The following RBPMS variants were observed in gnomAD, a reference collection of about 807,000 sequenced individuals.
RBPMS encodes the protein RNA-binding protein with multiple splicing.
A neutral mutation model predicts 26.8 loss-of-function variants in RBPMS; 7 were observed. That is an observed-to-expected ratio of 0.26 (90% CI 0.15 to 0.49). The LOEUF is 0.49. RBPMS is among the 20% of genes least tolerant of loss of function. The pLI is 0.98. For synonymous variants in RBPMS, 96 were observed against 93.3 expected (o/e 1.03, Z -0.17); for missense variants, 186 against 250.0 (o/e 0.74, Z 1.73).
chr8:30,447,796 TTTA>T (rs1348317402), intron 1 of RBPMS, among the ~76,000 whole-genome samples: 1 of 152,158 alleles, frequency 6.6e-6, no homozygotes, highest in Non-Finnish European at 1.5e-5. Context: ...AATCTTAGAC[TTTA>T]TATCAGTAAT....
At chr8:30,554,520 T>C (rs1186047067) in intron 6 of RBPMS, among the ~76,000 whole-genome samples, 1 of 152,240 alleles carries the variant, frequency 6.6e-6, no homozygotes, top group African/African-American at 2.4e-5. Flanking sequence ...TTCTCTCTAA[T>C]GTCCTTGACA....
chr8:30,485,697 C>T (rs1312224026), intron 4 of RBPMS, among the ~76,000 whole-genome samples: 1 of 152,160 alleles, frequency 6.6e-6, no homozygotes. Flanking sequence ...GTGAACTCCC[C>T]CCAAAGAAAA....
chr8:30,555,968 G>A, intron 6 of RBPMS: 1 of 985,460 alleles, frequency 1.0e-6, no homozygotes, highest in Non-Finnish European at 1.2e-6. Context: ...CGCTCTGCCG[G>A]CTGTGGTGCG....
chr8:30,478,661 A>G (rs982065171), intron 3 of RBPMS, among the ~76,000 whole-genome samples: 1 of 152,072 alleles, frequency 6.6e-6, no homozygotes, highest in Non-Finnish European at 1.5e-5. Flanking sequence ...CACCACGCCC[A>G]GCTAGTTTTT....
intron 1 of RBPMS, among the ~76,000 whole-genome samples, chr8:30,463,989 T>C (rs1025272939): frequency 1.3e-5 from 2 of 152,092 alleles, no homozygotes; most frequent in Non-Finnish European, 2.9e-5. Context: ...TTTCTACAAA[T>C]ACAGAAAACA....
At chr8:30,422,579 T>G (rs946450127) in intron 1 of RBPMS, among the ~76,000 whole-genome samples, 9 of 152,152 alleles carry the variant, frequency 5.9e-5, no homozygotes, top group Non-Finnish European at 1.3e-4. Flanking sequence ...CTGCTGTTAT[T>G]TTATATAGAA....
At chr8:30,415,788 C>G (rs1378970027) in intron 1 of RBPMS, among the ~76,000 whole-genome samples, 1 of 152,148 alleles carries the variant, frequency 6.6e-6, no homozygotes. Context: ...AGCTTTTCCT[C>G]TGGTCTTTGA....
intron 1 of RBPMS, among the ~76,000 whole-genome samples, chr8:30,416,976 G>T (rs1810159322): frequency 6.6e-6 from 1 of 152,058 alleles, no homozygotes; most frequent in African/African-American, 2.4e-5. Context: ...TGCCATGTTG[G>T]CTAGGTGGGT....
chr8:30,556,113 C>G (rs1826883994), intron 6 of RBPMS: 1 of 985,280 alleles, frequency 1.0e-6, no homozygotes, highest in African/African-American at 1.7e-5. Flanking sequence ...GAGCCCCCCA[C>G]TTGGCAAGCA....
At chr8:30,434,184 T>C (rs1354058269) in intron 1 of RBPMS, among the ~76,000 whole-genome samples, 1 of 152,062 alleles carries the variant, frequency 6.6e-6, no homozygotes, top group Non-Finnish European at 1.5e-5. Flanking sequence ...TTTATCCTTC[T>C]AAGGTATAAA....
At chr8:30,521,778 G>A (rs1823060335) in intron 5 of RBPMS, among the ~76,000 whole-genome samples, 1 of 151,978 alleles carries the variant, frequency 6.6e-6, no homozygotes, top group African/African-American at 2.4e-5. Context: ...CATTTAGATT[G>A]CTTCCATGTC....
chr8:30,418,613 C>T (rs1369060472), intron 1 of RBPMS, among the ~76,000 whole-genome samples: 1 of 152,102 alleles, frequency 6.6e-6, no homozygotes, highest in Non-Finnish European at 1.5e-5. Context: ...GGGTCTCACT[C>T]TGTCACCCAG....
Position 30,430,388 on chromosome 8 carries a change from G to A in RBPMS, c.67-44391G>A, listed in dbSNP as rs767365048. Among the ~76,000 whole-genome samples the A allele has an allele frequency of 3.9e-5, 6 of 152,284 alleles. No individual in the cohort carries two copies. In the Middle Eastern group the frequency reaches 0.01, roughly 259 times the overall value. Reference sequence around the variant, plus strand: ...TTCTATTCTGTAACATGGAACCAAGGTATTTGCAAGCTGACAGCGAAGAAG... The same window carrying A: ...TTCTATTCTGTAACATGGAACCAAGATATTTGCAAGCTGACAGCGAAGAAG... On this transcript the variant is annotated intron_variant, in intron 1 of 8. Transcript: ENST00000397323.
intron 5 of RBPMS, among the ~76,000 whole-genome samples, chr8:30,523,847 C>A (rs1470087832): frequency 1.3e-5 from 2 of 151,944 alleles, no homozygotes; most frequent in Non-Finnish European, 2.9e-5. Flanking sequence ...TCCAGTGTTA[C>A]CATTTTTAAT....
intron 1 of RBPMS, among the ~76,000 whole-genome samples, chr8:30,438,470 A>G (rs1238677888): frequency 1.3e-5 from 2 of 152,216 alleles, no homozygotes; most frequent in African/African-American, 4.8e-5. Flanking sequence ...TGATTGAGGA[A>G]ACATTTGCTC....
chr8:30,513,085 C>T (rs1427084935), intron 5 of RBPMS, among the ~76,000 whole-genome samples: 1 of 147,960 alleles, frequency 6.8e-6, no homozygotes. Context: ...CCAGTCTTTG[C>T]TGGTGAGGGA....
intron 1 of RBPMS, among the ~76,000 whole-genome samples, chr8:30,423,994 T>C (rs1469846070): frequency 6.6e-6 from 1 of 152,056 alleles, no homozygotes; most frequent in East Asian, 1.9e-4. Flanking sequence ...TGCACCACCA[T>C]GCCCGGCTCA....
chr8:30,504,522 A>T (rs1290011538), intron 5 of RBPMS, 86 bp downstream of exon 5: 1 of 1,340,902 alleles, frequency 7.5e-7, no homozygotes, highest in Non-Finnish European at 1.0e-6. Context: ...TGGGACATGG[A>T]GCTGGCTGAG....
intron 1 of RBPMS, among the ~76,000 whole-genome samples, chr8:30,453,123 A>G (rs1814787880): frequency 6.6e-6 from 1 of 152,124 alleles, no homozygotes; most frequent in Non-Finnish European, 1.5e-5. Context: ...AACGAGGCAA[A>G]TTCCAGGGGC....
Sources: gnomAD v4.1 joint callset for allele counts (sites outside exome capture counted in the v4.1 genomes callset) on GRCh38, gnomAD v4.1.1 for gene constraint, MANE v1.5 for transcripts, NCBI Gene and HGNC (gene_info 2026-07-23, HGNC 2026-07-21) for gene names.